RBMS3: variants seen among roughly 807,000 people sequenced by gnomAD.
RBMS3 encodes RNA-binding motif, single-stranded-interacting protein 3.
In RBMS3, 27 loss-of-function variants were observed where a neutral mutation model predicts 66.8. That is an observed-to-expected ratio of 0.40 (90% CI 0.30 to 0.56). The LOEUF is 0.56. RBMS3 is among the 20% of genes least tolerant of loss of function. The pLI is 0.40. For synonymous variants in RBMS3, 188 were observed against 183.0 expected (o/e 1.03, Z -0.22); for missense variants, 513 against 549.5 (o/e 0.93, Z 0.66).
At chr3:29,693,780 T>C (rs747881176) in intron 4 of RBMS3, among the ~76,000 whole-genome samples, 1 of 152,224 alleles carries the variant, frequency 6.6e-6, no homozygotes, top group Non-Finnish European at 1.5e-5. Context: ...ATTTGATCAA[T>C]AATTTCAGAT....
intron 13 of RBMS3, among the ~76,000 whole-genome samples, chr3:29,989,958 T>C (rs1698718098): frequency 6.6e-6 from 1 of 152,210 alleles, no homozygotes; most frequent in Non-Finnish European, 1.5e-5. Flanking sequence ...TTGATGATTA[T>C]TATGAGACAT....
At chr3:29,963,331 G>A (rs927973863) in intron 12 of RBMS3, among the ~76,000 whole-genome samples, 1 of 152,062 alleles carries the variant, frequency 6.6e-6, no homozygotes, top group Admixed American at 6.5e-5. Flanking sequence ...GTGGATCCAA[G>A]CATCAGTAGT....
chr3:29,349,509 G>A (rs1195195736), intron 1 of RBMS3, among the ~76,000 whole-genome samples: 1 of 152,154 alleles, frequency 6.6e-6, no homozygotes, highest in African/African-American at 2.4e-5. Context: ...GCTCTTGAGG[G>A]GTCCCTCTGA....
chr3:29,658,193 A>G (rs2149223749), intron 4 of RBMS3, among the ~76,000 whole-genome samples: 1 of 152,366 alleles, frequency 6.6e-6, no homozygotes, highest in Non-Finnish European at 1.5e-5. Flanking sequence ...GTTTGTGAAG[A>G]TCTTATAACA....
chr3:29,655,351 T>C (rs2050288637), intron 4 of RBMS3, among the ~76,000 whole-genome samples: 1 of 152,224 alleles, frequency 6.6e-6, no homozygotes, highest in Non-Finnish European at 1.5e-5. Context: ...CTATTTCCTC[T>C]GGTGAAGCAT....
chr3:29,614,741 G>T (rs1180938242), intron 4 of RBMS3: 1 of 152,022 alleles, frequency 6.6e-6, no homozygotes, highest in African/African-American at 2.4e-5. Flanking sequence ...AAATATGTGA[G>T]ATCTCTGGAA....
intron 4 of RBMS3, among the ~76,000 whole-genome samples, chr3:29,721,378 T>G (rs2053636156): frequency 6.6e-6 from 1 of 152,154 alleles, no homozygotes; most frequent in African/African-American, 2.4e-5. Flanking sequence ...GATATAATAT[T>G]AAATATGTAT....
rs1374631805 is a variant in RBMS3 at position 29,739,503 on chromosome 3, A to T, written c.400-217A>T. On this transcript the variant is annotated intron_variant, in intron 4 of 14. Coordinates refer to ENST00000383767, the MANE Select transcript of RBMS3 (RefSeq NM_001003793.3). ...AAAAGTTTATTAGTCTTTCTAAGGA[A>T]TGATGGATGGAGAGCTTGGCTTTCA... Among the ~76,000 whole-genome samples, 3 of 152,086 alleles carry T rather than the reference A, an allele frequency of 2.0e-5. No homozygotes were observed. The East Asian group carries it at 5.8e-4, about 29-fold the overall frequency.
chr3:29,792,361 T>C (rs2057042743), intron 6 of RBMS3, among the ~76,000 whole-genome samples: 1 of 152,214 alleles, frequency 6.6e-6, no homozygotes, highest in South Asian at 2.1e-4. Context: ...TGTCTTATTG[T>C]TCTCCATGTT....
intron 6 of RBMS3, among the ~76,000 whole-genome samples, chr3:29,829,102 T>C (rs2058294576): frequency 6.6e-6 from 1 of 151,814 alleles, no homozygotes; most frequent in South Asian, 2.1e-4. Flanking sequence ...TGGAGTATAA[T>C]GGCACGATCT....
At chr3:29,799,509 CTT>C (rs945527176) in intron 6 of RBMS3, among the ~76,000 whole-genome samples, 3 of 152,108 alleles carry the variant, frequency 2.0e-5, no homozygotes, top group African/African-American at 4.8e-5. Context: ...GAAGGAAAGA[CTT>C]TTACTCCAAG....
intron 4 of RBMS3, among the ~76,000 whole-genome samples, chr3:29,600,548 T>A (rs2048108566): frequency 6.6e-6 from 1 of 152,074 alleles, no homozygotes; most frequent in African/African-American, 2.4e-5. Context: ...TTTTTAAAAA[T>A]ATAAGTTATG....
At chr3:29,791,031 A>G (rs2149426695) in intron 6 of RBMS3, among the ~76,000 whole-genome samples, 1 of 152,356 alleles carries the variant, frequency 6.6e-6, no homozygotes. Flanking sequence ...GAACCCTCAC[A>G]TCTCAGCTCT....
At chr3:29,347,665 A>G (rs2036660344) in intron 1 of RBMS3, among the ~76,000 whole-genome samples, 1 of 152,180 alleles carries the variant, frequency 6.6e-6, no homozygotes, top group African/African-American at 2.4e-5. Flanking sequence ...TTCATGAACC[A>G]TAGTCTGGAG....
chr3:29,872,085 G>T (rs927917051), intron 7 of RBMS3, among the ~76,000 whole-genome samples: 1 of 152,056 alleles, frequency 6.6e-6, no homozygotes, highest in South Asian at 2.1e-4. Context: ...AAATGATCGA[G>T]GGATGGGGGC....
At chr3:29,766,245 C>A (rs1252181230) in intron 6 of RBMS3, 1 of 151,878 alleles carries the variant, frequency 6.6e-6, no homozygotes, top group African/African-American at 2.4e-5. Flanking sequence ...GACAATTATT[C>A]TTAAAGGAGA....
At chr3:29,496,229 C>CA (rs1284561801) in intron 3 of RBMS3, among the ~76,000 whole-genome samples, 2 of 144,678 alleles carry the variant, frequency 1.4e-5, no homozygotes, top group African/African-American at 2.5e-5. Context: ...AAAGAAAAGA[C>CA]AAAAAAAAGT....
chr3:29,828,977 A>ACTTTCTTTCTTTCTTT (rs368382303), intron 6 of RBMS3, among the ~76,000 whole-genome samples: 117 of 98,686 alleles, frequency 1.2e-3, no homozygotes, highest in East Asian at 5.2e-3. Context: ...TTAGCGAGTG[A>ACTTTCTTTCTTTCTTT]CTTTCTTTCT....
chr3:29,435,990 A>G (rs2041389114), intron 2 of RBMS3, among the ~76,000 whole-genome samples: 1 of 151,430 alleles, frequency 6.6e-6, no homozygotes, highest in African/African-American at 2.4e-5. Flanking sequence ...AAAAAAGAAG[A>G]CGAATCGTAG....
Sources: gnomAD v4.1 joint callset for allele counts (sites outside exome capture counted in the v4.1 genomes callset) on GRCh38, gnomAD v4.1.1 for gene constraint, MANE v1.5 for transcripts, NCBI Gene and HGNC (gene_info 2026-07-23, HGNC 2026-07-21) for gene names.